SLC25A21: variants seen among roughly 807,000 people sequenced by gnomAD.
SLC25A21 encodes mitochondrial 2-oxodicarboxylate carrier.
A neutral mutation model predicts 43.8 loss-of-function variants in SLC25A21; 47 were observed. That is an observed-to-expected ratio of 1.07 (90% confidence interval 0.85 to 1.37). The LOEUF (loss-of-function observed/expected upper bound fraction) is 1.37. SLC25A21 is among the 40% of genes most tolerant of loss of function. SLC25A21 has a pLI of 0.00. For synonymous variants in SLC25A21, 131 were observed against 121.3 expected (o/e 1.08, Z -0.52); for missense variants, 352 against 350.2 (o/e 1.00, Z -0.04).
At chr14:36,977,815 T>C (rs1197590803) in intron 1 of SLC25A21, among the ~76,000 whole-genome samples, 2 of 152,148 alleles carry the variant, frequency 1.3e-5, no homozygotes, top group African/African-American at 4.8e-5. Context: ...GTGTTCTTAC[T>C]AGGACAAACA....
chr14:37,162,696 CT>C (rs1363004461), intron 1 of SLC25A21, among the ~76,000 whole-genome samples: 1 of 152,156 alleles, frequency 6.6e-6, no homozygotes, highest in African/African-American at 2.4e-5. Flanking sequence ...GTTGGTGGGA[CT>C]GTAAACTAGT....
intron 1 of SLC25A21, among the ~76,000 whole-genome samples, chr14:36,927,364 T>C (rs1169597652): frequency 1.3e-5 from 2 of 152,192 alleles, no homozygotes; most frequent in Non-Finnish European, 2.9e-5. Context: ...TCAATAAACC[T>C]TTAACTGTTT....
At chr14:37,128,733 C>T (rs982125899) in intron 1 of SLC25A21, among the ~76,000 whole-genome samples, 5 of 151,990 alleles carry the variant, frequency 3.3e-5, no homozygotes, top group East Asian at 1.9e-4. Flanking sequence ...ACTACAAGCA[C>T]GCACCATTAC....
At chr14:36,981,002 C>A (rs1306600198) in intron 1 of SLC25A21, among the ~76,000 whole-genome samples, 1 of 152,080 alleles carries the variant, frequency 6.6e-6, no homozygotes. Flanking sequence ...AAAAATCAAA[C>A]AAACCCATCA....
intron 4 of SLC25A21, among the ~76,000 whole-genome samples, chr14:36,730,650 T>C (rs956242814): frequency 1.2e-4 from 18 of 152,216 alleles, no homozygotes; most frequent in Non-Finnish European, 2.6e-4. Context: ...ATTTTGATTC[T>C]TTTCAACACT....
At chr14:36,789,866 A>AT (rs1304286726) in intron 3 of SLC25A21, among the ~76,000 whole-genome samples, 2 of 75,034 alleles carry the variant, frequency 2.7e-5, no homozygotes, top group African/African-American at 5.5e-5. Context: ...TTTATATAAA[A>AT]ATATATTATA....
intron 7 of SLC25A21, among the ~76,000 whole-genome samples, chr14:36,699,581 C>T (rs112876844): frequency 0.043 from 6,472 of 152,264 alleles, 451 homozygotes; most frequent in African/African-American, 0.15. Context: ...CAGGAGGCCT[C>T]GTTGAGCTGT....
intron 1 of SLC25A21, among the ~76,000 whole-genome samples, chr14:36,930,579 T>C (rs1892259831): frequency 6.6e-6 from 1 of 152,156 alleles, no homozygotes; most frequent in Admixed American, 6.6e-5. Flanking sequence ...TTTCTTTAGA[T>C]CATCTAACCC....
In SLC25A21 at chr14:36,906,082, T is replaced by C. The variant is rs185621024; in HGVS notation, c.71-31078A>G. Among the ~76,000 whole-genome samples the C allele has an allele frequency of 1.6e-3, 238 of 152,252 alleles. 1 individual carries two copies. Among genetic ancestry groups the C allele is most frequent in the African/African-American group, 5.3e-3 (222 of 41,532 alleles). Reference sequence around the variant, plus strand: ...ATGTAGGTAATCAGATTATAAAAGGTACTATTTGGGAGGTGAAACTAATAC... The same window carrying C: ...ATGTAGGTAATCAGATTATAAAAGGCACTATTTGGGAGGTGAAACTAATAC... On this transcript the variant is annotated intron_variant, in intron 1 of 9. Transcript: ENST00000331299.
intron 1 of SLC25A21, among the ~76,000 whole-genome samples, chr14:36,875,354 G>A: frequency 6.6e-6 from 1 of 151,950 alleles, no homozygotes; most frequent in East Asian, 1.9e-4. Context: ...AAGGAAGGGA[G>A]GAAAGAAAAG....
intron 1 of SLC25A21, among the ~76,000 whole-genome samples, chr14:37,167,234 G>T (rs570134147): frequency 1.3e-5 from 2 of 152,138 alleles, no homozygotes; most frequent in African/African-American, 4.8e-5. Flanking sequence ...TTTCACTTGC[G>T]CAATTTGGCT....
intron 1 of SLC25A21, among the ~76,000 whole-genome samples, chr14:37,155,953 GT>G (rs1386098543): frequency 1.3e-5 from 2 of 152,062 alleles, no homozygotes; most frequent in Non-Finnish European, 2.9e-5. Context: ...GAGGTCAGGA[GT>G]TTGAGACCAG....
At chr14:36,964,199 T>C (rs886625307) in intron 1 of SLC25A21, among the ~76,000 whole-genome samples, 1 of 152,254 alleles carries the variant, frequency 6.6e-6, no homozygotes, top group East Asian at 1.9e-4. Flanking sequence ...ATATTTGTAA[T>C]TGGCACACTG....
At chr14:36,819,367 T>A (rs570078873) in intron 2 of SLC25A21, among the ~76,000 whole-genome samples, 17 of 141,602 alleles carry the variant, frequency 1.2e-4, no homozygotes, top group African/African-American at 3.1e-4. Flanking sequence ...AGACAAAAAA[T>A]GTTTGCACTA....
intron 1 of SLC25A21, among the ~76,000 whole-genome samples, chr14:36,877,360 C>A (rs1406627654): frequency 6.6e-6 from 1 of 152,188 alleles, no homozygotes; most frequent in African/African-American, 2.4e-5. Context: ...TTTCAGTTTT[C>A]TATGTGCTAA....
At chr14:36,794,513 AGC>A (rs1400860818) in intron 3 of SLC25A21, among the ~76,000 whole-genome samples, 11 of 152,174 alleles carry the variant, frequency 7.2e-5, no homozygotes, top group Non-Finnish European at 1.6e-4. Flanking sequence ...CATGCCTGTA[AGC>A]CCAGCACGTT....
chr14:36,857,488 C>T (rs935686907), intron 2 of SLC25A21, among the ~76,000 whole-genome samples: 6 of 152,172 alleles, frequency 3.9e-5, no homozygotes, highest in African/African-American at 1.4e-4. Flanking sequence ...GACCTTGCCC[C>T]CTTTCCACAA....
intron 1 of SLC25A21, among the ~76,000 whole-genome samples, chr14:36,999,427 C>G (rs895286258): frequency 6.6e-6 from 1 of 152,118 alleles, no homozygotes; most frequent in Admixed American, 6.5e-5. Flanking sequence ...CAGTGAAAAT[C>G]TCTGTATGTT....
chr14:36,768,519 C>G (rs746301826), intron 3 of SLC25A21, among the ~76,000 whole-genome samples: 8 of 152,176 alleles, frequency 5.3e-5, no homozygotes, highest in Non-Finnish European at 1.5e-5. Flanking sequence ...CACAGGCTTT[C>G]TAATTGTGGC....
Sources: gnomAD v4.1 joint callset for allele counts (sites outside exome capture counted in the v4.1 genomes callset) on GRCh38, gnomAD v4.1.1 for gene constraint, MANE v1.5 for transcripts, NCBI Gene and HGNC (gene_info 2026-07-23, HGNC 2026-07-21) for gene names.